Variants in PTPRT observed in about 807,000 individuals in gnomAD.
PTPRT encodes the protein receptor-type tyrosine-protein phosphatase T.
PTPRT carries 56 observed loss-of-function variants against 176.8 expected under a neutral mutation model. That is an observed-to-expected ratio of 0.32 (90% CI 0.26 to 0.40). The LOEUF (loss-of-function observed/expected upper bound fraction) is 0.40, where lower values mean the gene tolerates loss of function less well. Among genes scored for constraint, PTPRT ranks in the 10% least tolerant of loss-of-function variants. The pLI is 1.00. For missense variants in PTPRT, 1,540 were observed against 1,908.2 expected, an observed-to-expected ratio of 0.81 and a Z score of 3.60; for synonymous variants, 783 against 739.0, an observed-to-expected ratio of 1.06 and a Z score of -0.96.
intron 15 of PTPRT, among the ~76,000 whole-genome samples, chr20:42,233,871 A>C (rs2056185064): frequency 6.6e-6 from 1 of 152,168 alleles, no homozygotes; most frequent in South Asian, 2.1e-4. Context: ...TCATGTCTGC[A>C]CCAATTGAAA....
intron 6 of PTPRT, among the ~76,000 whole-genome samples, chr20:42,743,818 T>G (rs961324769): frequency 2.0e-5 from 3 of 152,250 alleles, no homozygotes; most frequent in Non-Finnish European, 4.4e-5. Flanking sequence ...GAGATACGGC[T>G]GTTTTCGGCA....
chr20:42,799,382 T>C (rs2077497298), intron 2 of PTPRT, among the ~76,000 whole-genome samples: 1 of 152,156 alleles, frequency 6.6e-6, no homozygotes, highest in Admixed American at 6.5e-5. Context: ...AAATAAAGAC[T>C]TTTTACCCAG....
At chr20:43,051,091 G>C (rs1292649589) in intron 1 of PTPRT, among the ~76,000 whole-genome samples, 1 of 152,170 alleles carries the variant, frequency 6.6e-6, no homozygotes, top group African/African-American at 2.4e-5. Flanking sequence ...AAGTATAATA[G>C]AACCAAGATA....
At chr20:42,319,158 A>T (rs889211989) in intron 11 of PTPRT, among the ~76,000 whole-genome samples, 1 of 152,134 alleles carries the variant, frequency 6.6e-6, no homozygotes, top group African/African-American at 2.4e-5. Flanking sequence ...CAAAAGCCAG[A>T]TTACACATGA....
intron 15 of PTPRT, among the ~76,000 whole-genome samples, chr20:42,220,610 A>AC (rs2055863861): frequency 6.6e-6 from 1 of 152,188 alleles, no homozygotes; most frequent in South Asian, 2.1e-4. Flanking sequence ...TCTAAACCGC[A>AC]CATGTCCAGA....
rs188373024 is a variant in PTPRT, at chr20:42,935,264, T to A, written c.89-49332A>T. 3.4e-3 allele frequency among the ~76,000 whole-genome samples: 488 copies of A among 145,458 alleles called. 2 individuals are homozygous for A. The highest frequency in any genetic ancestry group is 0.012 in the African/African-American group (468 of 39,498). ...AAGCAATCCTCCTACCTTAGCCTCC[T>A]GAGAAGCTGGGACTACAGGCACGCA... On this transcript the variant is annotated intron_variant, in intron 1 of 30. Coordinates refer to ENST00000373187, the MANE Select transcript of PTPRT (RefSeq NM_007050.6).
At chr20:42,604,278 A>G (rs10154023) in intron 7 of PTPRT, among the ~76,000 whole-genome samples, 7,628 of 152,160 alleles carry the variant, frequency 0.05, 680 homozygotes, top group African/African-American at 0.17. Flanking sequence ...CACACATTTT[A>G]TGATATTTTG....
At chr20:42,676,233 CCT>C (rs1463653790) in intron 7 of PTPRT, among the ~76,000 whole-genome samples, 1 of 152,160 alleles carries the variant, frequency 6.6e-6, no homozygotes, top group African/African-American at 2.4e-5. Flanking sequence ...ACTAGATTCC[CCT>C]CTTTTTTGAT....
chr20:42,428,663 G>A (rs895681846), intron 9 of PTPRT, among the ~76,000 whole-genome samples: 3 of 152,186 alleles, frequency 2.0e-5, no homozygotes, highest in Admixed American at 6.5e-5. Flanking sequence ...TCAGTTGCAG[G>A]AATGTTCAGG....
Position 42,615,584 on chromosome 20 carries a change from C to A in PTPRT, c.1153+62282G>T, listed in dbSNP as rs1370353525. ...TAAAAGTGTTCCTATTTCTCCACAT[C>A]CTCTCCAGCACCTGTTGTTTCCTGA... On this transcript the variant is annotated intron_variant, in intron 7 of 30. Transcript: ENST00000373187. Among the ~76,000 whole-genome samples the A allele has an allele frequency of 1.1e-4, 15 of 136,204 alleles. 4 individuals carry two copies. Among genetic ancestry groups the A allele is most frequent in the East Asian group, 7.9e-4 (4 of 5,056 alleles). The allele number at this position is 136,204 out of a possible 152,430, so 89.4% of individuals were successfully genotyped here.
intron 12 of PTPRT, among the ~76,000 whole-genome samples, chr20:42,311,137 T>C (rs1359140229): frequency 1.3e-5 from 2 of 152,242 alleles, no homozygotes; most frequent in Non-Finnish European, 2.9e-5. Flanking sequence ...TATTTATTTT[T>C]GTTCTCTCCC....
chr20:42,928,483 C>T (rs1268443638), intron 1 of PTPRT, among the ~76,000 whole-genome samples: 1 of 152,148 alleles, frequency 6.6e-6, no homozygotes, highest in Admixed American at 6.5e-5. Flanking sequence ...TGCACCTGTC[C>T]CCTTGCCACA....
At chr20:42,736,220 A>G (rs1381190041) in intron 6 of PTPRT, among the ~76,000 whole-genome samples, 2 of 152,178 alleles carry the variant, frequency 1.3e-5, no homozygotes, top group Non-Finnish European at 2.9e-5. Context: ...GGGAAAATAC[A>G]TGGGCTGAAT....
chr20:42,066,929 T>G, the PTPRT span, among the ~76,000 whole-genome samples: 1 of 152,248 alleles, frequency 6.6e-6, no homozygotes, highest in African/African-American at 2.4e-5. Context: ...AGTGTTTTTC[T>G]GCATCTGTGG....
intron 14 of PTPRT, among the ~76,000 whole-genome samples, chr20:42,243,270 A>G (rs1454338809): frequency 6.6e-6 from 1 of 152,122 alleles, no homozygotes; most frequent in African/African-American, 2.4e-5. Context: ...TACCTGAGGG[A>G]TTTTCAAGGT....
chr20:42,286,587 A>C (rs1200957251), intron 12 of PTPRT, among the ~76,000 whole-genome samples: 1 of 151,898 alleles, frequency 6.6e-6, no homozygotes, highest in Admixed American at 6.6e-5. Context: ...TCAACTCAAA[A>C]TGGATAAGAG....
Position 42,182,517 on chromosome 20 carries a change from G to A in PTPRT, c.2491+16723C>T, listed in dbSNP as rs573983369. ...CCATTTGGGTCTCCACTGCAGAAGAGACAGAAGTGACTGTTAGTTTGGAAT... is the reference window on the plus strand; with the variant it reads ...CCATTTGGGTCTCCACTGCAGAAGAAACAGAAGTGACTGTTAGTTTGGAAT... On this transcript the variant is annotated intron_variant, in intron 16 of 30. Coordinates refer to ENST00000373187, the MANE Select transcript of PTPRT (RefSeq NM_007050.6). 8.5e-5 allele frequency among the ~76,000 whole-genome samples: 13 copies of A among 152,228 alleles called. No homozygotes were observed. In the South Asian group the frequency reaches 2.5e-3, roughly 29 times the overall value.
At chr20:42,929,391 G>A (rs1979689641) in intron 1 of PTPRT, among the ~76,000 whole-genome samples, 3 of 152,208 alleles carry the variant, frequency 2.0e-5, no homozygotes, top group Admixed American at 2.0e-4. Flanking sequence ...TCTGTCACAT[G>A]TATAATTATT....
At chr20:42,467,115 G>C (rs6030265) in intron 8 of PTPRT, among the ~76,000 whole-genome samples, 34,990 of 152,050 alleles carry the variant, frequency 0.23, 4,556 homozygotes, top group African/African-American at 0.36. Context: ...AAAGAAGAAG[G>C]CTAACTAGTA....
Sources: gnomAD v4.1 joint callset for allele counts (sites outside exome capture counted in the v4.1 genomes callset) on GRCh38, gnomAD v4.1.1 for gene constraint, MANE v1.5 for transcripts, NCBI Gene and HGNC (gene_info 2026-07-23, HGNC 2026-07-21) for gene names.